LRMDA: variants seen among roughly 807,000 people sequenced by gnomAD.
LRMDA encodes leucine rich melanocyte differentiation associated, also known as leucine-rich melanocyte differentiation-associated protein.
Under a neutral mutation model 29.8 loss-of-function variants are expected in LRMDA, and 18 were observed. The ratio of observed to expected loss-of-function variants is 0.60; its 90% confidence interval spans 0.42 to 0.90. The LOEUF (loss-of-function observed/expected upper bound fraction) is 0.90, where lower values mean the gene tolerates loss of function less well. LRMDA is among the 40% of genes least tolerant of loss of function. The pLI is 0.00. For synonymous variants in LRMDA, 125 were observed against 109.4 expected (o/e 1.14, Z -0.89); for missense variants, 273 against 273.9 (o/e 1.00, Z 0.02).
intron 2 of LRMDA, among the ~76,000 whole-genome samples, chr10:75,486,845 T>G (rs1251749746): frequency 6.6e-6 from 1 of 152,146 alleles, no homozygotes; most frequent in Non-Finnish European, 1.5e-5. Context: ...ATCAGACTAC[T>G]TTGCAGCAGT....
chr10:76,200,156 G>A (rs1451629708), intron 5 of LRMDA, among the ~76,000 whole-genome samples: 1 of 151,928 alleles, frequency 6.6e-6, no homozygotes, highest in African/African-American at 2.4e-5. Flanking sequence ...TAGAGATGAT[G>A]TTTCATGATG....
chr10:75,984,711 T>C (rs1235064682), intron 2 of LRMDA, among the ~76,000 whole-genome samples: 1 of 152,192 alleles, frequency 6.6e-6, no homozygotes, highest in Non-Finnish European at 1.5e-5. Context: ...ATGCTGAAAG[T>C]GAAGGCCATG....
At chr10:76,443,376 C>T (rs143537244) in intron 6 of LRMDA, among the ~76,000 whole-genome samples, 19 of 152,288 alleles carry the variant, frequency 1.2e-4, no homozygotes, top group East Asian at 7.7e-4. Flanking sequence ...ATCACATCTT[C>T]GAGATAATCC....
chr10:75,529,552 G>A (rs538102520), intron 2 of LRMDA, among the ~76,000 whole-genome samples: 2 of 152,286 alleles, frequency 1.3e-5, no homozygotes, highest in East Asian at 1.9e-4. Flanking sequence ...ATCCCAGAAG[G>A]CAGCCTGGAG....
intron 6 of LRMDA, among the ~76,000 whole-genome samples, chr10:76,376,946 C>T (rs556034676): frequency 1.6e-5 from 2 of 127,694 alleles, no homozygotes; most frequent in African/African-American, 6.0e-5. Context: ...AGTGCAATGG[C>T]GCGATCTCCG....
At chr10:76,007,160 A>G (rs1178357171) in intron 2 of LRMDA, among the ~76,000 whole-genome samples, 1 of 152,114 alleles carries the variant, frequency 6.6e-6, no homozygotes, top group African/African-American at 2.4e-5. Flanking sequence ...GACAGTCTAA[A>G]GTGCTCAAAT....
intron 5 of LRMDA, among the ~76,000 whole-genome samples, chr10:76,120,380 A>AT (rs1849763905): frequency 6.6e-6 from 1 of 151,540 alleles, no homozygotes; most frequent in Non-Finnish European, 1.5e-5. Context: ...CGGAGACAGG[A>AT]TTTTGCCATG....
chr10:75,851,211 T>G (rs936752825), intron 2 of LRMDA, among the ~76,000 whole-genome samples: 1 of 152,192 alleles, frequency 6.6e-6, no homozygotes, highest in Admixed American at 6.5e-5. Context: ...ACATCCTTGT[T>G]TATTGAGCTG....
At chr10:76,013,010 G>C (rs980179509) in intron 2 of LRMDA, among the ~76,000 whole-genome samples, 1 of 152,156 alleles carries the variant, frequency 6.6e-6, no homozygotes, top group African/African-American at 2.4e-5. Context: ...GCGGGAGGGG[G>C]AGAAGGGGGA....
intron 2 of LRMDA, among the ~76,000 whole-genome samples, chr10:75,736,754 G>T (rs1370122009): frequency 6.6e-6 from 1 of 152,056 alleles, no homozygotes; most frequent in African/African-American, 2.4e-5. Context: ...TTTTTTTATG[G>T]TGTGCATAAT....
chr10:75,527,746 AATAATAT>A (rs1845430245), intron 2 of LRMDA, among the ~76,000 whole-genome samples: 2 of 147,400 alleles, frequency 1.4e-5, no homozygotes, highest in South Asian at 2.1e-4. Context: ...TTATAATATA[AATAATAT>A]ATAATATATA....
chr10:75,941,112 A>G (rs900144766), intron 2 of LRMDA, among the ~76,000 whole-genome samples: 1 of 152,208 alleles, frequency 6.6e-6, no homozygotes, highest in Non-Finnish European at 1.5e-5. Context: ...ATCATTCTGC[A>G]AATATCAACA....
chr10:76,272,424 T>C (rs1395150717), intron 5 of LRMDA, among the ~76,000 whole-genome samples: 1 of 152,184 alleles, frequency 6.6e-6, no homozygotes, highest in Non-Finnish European at 1.5e-5. Context: ...GGAGAAACAG[T>C]GACCCAGGTT....
At chr10:75,645,614 C>T (rs1841509373) in intron 2 of LRMDA, among the ~76,000 whole-genome samples, 1 of 152,080 alleles carries the variant, frequency 6.6e-6, no homozygotes, top group African/African-American at 2.4e-5. Context: ...AGTAGCAATG[C>T]TGTGTAACAG....
intron 2 of LRMDA, among the ~76,000 whole-genome samples, chr10:75,488,597 C>T (rs1284832875): frequency 6.6e-6 from 1 of 152,286 alleles, no homozygotes; most frequent in African/African-American, 2.4e-5. Flanking sequence ...TTCATGTCCT[C>T]TTTTGTGCCC....
At chr10:76,398,488 G>A (rs1330995772) in intron 6 of LRMDA, among the ~76,000 whole-genome samples, 1 of 152,100 alleles carries the variant, frequency 6.6e-6, no homozygotes, top group Non-Finnish European at 1.5e-5. Flanking sequence ...ACCCTCAAAG[G>A]GGCAATTGTA....
At chr10:76,063,440 T>C (rs1848734784) in intron 5 of LRMDA, among the ~76,000 whole-genome samples, 1 of 152,178 alleles carries the variant, frequency 6.6e-6, no homozygotes, top group African/African-American at 2.4e-5. Flanking sequence ...TGGCGAGCGA[T>C]TTCCTTTCCT....
chr10:75,911,851 A>G (rs1484830899), intron 2 of LRMDA, among the ~76,000 whole-genome samples: 1 of 152,174 alleles, frequency 6.6e-6, no homozygotes, highest in African/African-American at 2.4e-5. Flanking sequence ...GAGGCTGAAT[A>G]AGTCCATGCT....
chr10:76,415,984 G>A (rs929683401), intron 6 of LRMDA, among the ~76,000 whole-genome samples: 5 of 152,176 alleles, frequency 3.3e-5, no homozygotes, highest in African/African-American at 9.7e-5. Flanking sequence ...TGTGAGGCAA[G>A]GTCTGAGAGG....
Sources: gnomAD v4.1 joint callset for allele counts (sites outside exome capture counted in the v4.1 genomes callset) on GRCh38, gnomAD v4.1.1 for gene constraint, MANE v1.5 for transcripts, NCBI Gene and HGNC (gene_info 2026-07-23, HGNC 2026-07-21) for gene names.